Variants in LAMA2 observed in about 807,000 individuals in gnomAD.
The protein encoded by LAMA2 is laminin subunit alpha-2.
In LAMA2, 269 loss-of-function variants were observed where a neutral mutation model predicts 364.8. That is an observed-to-expected ratio of 0.74 (90% CI 0.67 to 0.82). The LOEUF is 0.82. Among genes scored for constraint, LAMA2 ranks in the 40% least tolerant of loss-of-function variants. The pLI, the probability that LAMA2 is intolerant of heterozygous loss-of-function variation, is 0.00. For synonymous variants in LAMA2, 1,379 were observed against 1,370.6 expected (o/e 1.01, Z -0.14); for missense variants, 3,807 against 3,873.2 (o/e 0.98, Z 0.45).
chr6:129,146,470 A>C (rs1020282203), intron 5 of LAMA2, among the ~76,000 whole-genome samples: 1 of 152,026 alleles, frequency 6.6e-6, no homozygotes, highest in Non-Finnish European at 1.5e-5. Flanking sequence ...TTTCTTCTTA[A>C]TATGGTTAAG....
chr6:129,482,571 TTA>T (rs1189385674), intron 55 of LAMA2, among the ~76,000 whole-genome samples: 1 of 152,240 alleles, frequency 6.6e-6, no homozygotes, highest in African/African-American at 2.4e-5. Context: ...CCAGATCATG[TTA>T]TTTGTGATTA....
chr6:129,175,286 C>T (rs1026677863), intron 9 of LAMA2, among the ~76,000 whole-genome samples: 3 of 152,150 alleles, frequency 2.0e-5, no homozygotes, highest in Admixed American at 6.5e-5. Flanking sequence ...TTTGGCAAAT[C>T]ACTTAATTTC....
At chr6:129,021,563 T>C (rs1362534020) in intron 1 of LAMA2, among the ~76,000 whole-genome samples, 8 of 152,220 alleles carry the variant, frequency 5.3e-5, no homozygotes, top group Non-Finnish European at 1.2e-4. Flanking sequence ...TAGAGTGTAG[T>C]TATTTTCTAG....
At chr6:129,314,862 C>T (rs1774480328) in intron 24 of LAMA2, 64 bp downstream of exon 24, 1 of 1,565,842 alleles carries the variant, frequency 6.4e-7, no homozygotes, top group Non-Finnish European at 8.8e-7. Context: ...GTCTTTTAGT[C>T]AGGCACTGAG....
intron 48 of LAMA2, among the ~76,000 whole-genome samples, chr6:129,457,677 C>T (rs1417839830): frequency 6.6e-6 from 1 of 151,896 alleles, no homozygotes; most frequent in Non-Finnish European, 1.5e-5. Flanking sequence ...TACAACAACC[C>T]CAAAAAGTAT....
intron 31 of LAMA2, among the ~76,000 whole-genome samples, chr6:129,350,609 C>A (rs565631177): frequency 2.6e-5 from 4 of 152,152 alleles, no homozygotes; most frequent in Admixed American, 2.6e-4. Flanking sequence ...TGAAATCATA[C>A]CCTTGATTAG....
chr6:129,454,822 A>G (rs1441160581), intron 47 of LAMA2, among the ~76,000 whole-genome samples: 1 of 152,184 alleles, frequency 6.6e-6, no homozygotes, highest in Admixed American at 6.6e-5. Flanking sequence ...ATCTAGTACC[A>G]TATAGATTAC....
chr6:129,045,994 G>T (rs1787457798), intron 1 of LAMA2, among the ~76,000 whole-genome samples: 1 of 152,234 alleles, frequency 6.6e-6, no homozygotes, highest in Non-Finnish European at 1.5e-5. Context: ...GTTAGCACCT[G>T]CCTGAGATGG....
At chr6:128,989,209 A>G (rs930246677) in intron 1 of LAMA2, among the ~76,000 whole-genome samples, 9 of 152,164 alleles carry the variant, frequency 5.9e-5, no homozygotes, top group African/African-American at 2.2e-4. Flanking sequence ...ATAGTAAAGA[A>G]TATGTATGAG....
intron 1 of LAMA2, among the ~76,000 whole-genome samples, chr6:128,909,140 T>C (rs1485131763): frequency 3.3e-5 from 5 of 151,758 alleles, no homozygotes; most frequent in Non-Finnish European, 7.4e-5. Flanking sequence ...GTTCTGTAGA[T>C]GTCTATCAGG....
chr6:129,084,680 C>T (rs1270511192), intron 3 of LAMA2, among the ~76,000 whole-genome samples: 1 of 152,122 alleles, frequency 6.6e-6, no homozygotes, highest in Admixed American at 6.6e-5. Flanking sequence ...GTATTTACTA[C>T]CTGCTGTTCC....
chr6:129,032,651 G>GT (rs1786319493), intron 1 of LAMA2, among the ~76,000 whole-genome samples: 1 of 152,134 alleles, frequency 6.6e-6, no homozygotes. Context: ...AACTCATTAT[G>GT]TAAAAAAAGG....
At chr6:128,906,702 T>C (rs1172443860) in intron 1 of LAMA2, among the ~76,000 whole-genome samples, 2 of 152,126 alleles carry the variant, frequency 1.3e-5, no homozygotes, top group Non-Finnish European at 2.9e-5. Context: ...AGACATGAAG[T>C]CCTTACCCAT....
intron 31 of LAMA2, among the ~76,000 whole-genome samples, chr6:129,350,614 G>T (rs547536267): frequency 1.8e-4 from 28 of 152,300 alleles, no homozygotes; most frequent in Admixed American, 1.5e-3. Context: ...TCATACCCTT[G>T]ATTAGAGCTT....
intron 29 of LAMA2, among the ~76,000 whole-genome samples, chr6:129,335,891 T>A (rs1397785194): frequency 1.3e-5 from 2 of 152,194 alleles, no homozygotes; most frequent in Non-Finnish European, 2.9e-5. Context: ...GCTGATTAAA[T>A]GAGTTTGATT....
At chr6:129,149,561 T>C (rs1345378822) in intron 7 of LAMA2, among the ~76,000 whole-genome samples, 1 of 152,108 alleles carries the variant, frequency 6.6e-6, no homozygotes, top group Admixed American at 6.5e-5. Context: ...TATATATCCT[T>C]TGAATAACAA....
chr6:129,139,666 G>A (rs770715939), intron 4 of LAMA2, among the ~76,000 whole-genome samples: 1 of 151,966 alleles, frequency 6.6e-6, no homozygotes, highest in Non-Finnish European at 1.5e-5. Context: ...CAAAATAAAA[G>A]AGATTAGGCT....
chr6:129,312,144 A>G (rs575027453), intron 22 of LAMA2, among the ~76,000 whole-genome samples: 1 of 115,248 alleles, frequency 8.7e-6, no homozygotes, highest in Admixed American at 9.4e-5. Flanking sequence ...TGTTCCAGTA[A>G]GTTGATGGAA....
chr6:129,059,643 T>G, intron 2 of LAMA2, 141 bp from the exon 3 acceptor site: 1 of 652,938 alleles, frequency 1.5e-6, no homozygotes. Context: ...GAATCTGAAT[T>G]ACTCTCCTTC....
Sources: allele counts gnomAD v4.1 joint callset (sites outside exome capture counted in the v4.1 genomes callset), GRCh38; gene constraint gnomAD v4.1.1; transcripts MANE v1.5; gene names NCBI Gene and HGNC (gene_info 2026-07-23, HGNC 2026-07-21).